Variants in SLC2A14 observed in about 807,000 individuals in gnomAD.
SLC2A14 encodes solute carrier family 2, facilitated glucose transporter member 14.
SLC2A14 carries 13 observed loss-of-function variants against 43.0 expected under a neutral mutation model. The ratio of observed to expected loss-of-function variants is 0.30; its 90% CI spans 0.20 to 0.48. The LOEUF is 0.48. SLC2A14 is among the 20% of genes least tolerant of loss of function. The pLI is 0.99. For synonymous variants in SLC2A14, 190 were observed against 233.8 expected, an observed-to-expected ratio of 0.81 and a Z score of 1.71; for missense variants, 428 against 620.4, an observed-to-expected ratio of 0.69 and a Z score of 3.29.
intron 10 of SLC2A14, among the ~76,000 whole-genome samples, chr12:7,816,083 T>C (rs1246394447): frequency 2.4e-5 from 1 of 41,924 alleles, no homozygotes; most frequent in African/African-American, 1.3e-4. Flanking sequence ...TGAATTTTTA[T>C]TTTTTATTTT....
At chr12:7,835,813 C>A (rs976078637) in intron 2 of SLC2A14, among the ~76,000 whole-genome samples, 1 of 152,186 alleles carries the variant, frequency 6.6e-6, no homozygotes, top group African/African-American at 2.4e-5. Flanking sequence ...TCATAAAGAA[C>A]GACTTTTGTT....
intron 1 of SLC2A14, 163 bp downstream of exon 1, chr12:7,872,644 C>G (rs1945298927): frequency 4.3e-6 from 2 of 461,348 alleles, no homozygotes. Flanking sequence ...AATCTCTTCT[C>G]CAAGGCTCCA....
At chr12:7,839,857 T>G (rs1211811038) in intron 2 of SLC2A14, 1 of 445,762 alleles carries the variant, frequency 2.2e-6, no homozygotes, top group Non-Finnish European at 4.4e-6. Flanking sequence ...GAGGATCGCT[T>G]GAGTCCAGGA....
chr12:7,849,779 T>C (rs776599951), intron 2 of SLC2A14, among the ~76,000 whole-genome samples: 4 of 151,090 alleles, frequency 2.6e-5, no homozygotes, highest in Non-Finnish European at 5.9e-5. Flanking sequence ...GGCGGGCACC[T>C]GTAGTCCCAG....
chr12:7,830,170 T>C lies in SLC2A14; in HGVS notation c.273-164A>G, dbSNP rs199748114. 3.5e-5 allele frequency among the ~76,000 whole-genome samples: 4 copies of C among 113,696 alleles called. No homozygotes were observed. In the South Asian group the frequency reaches 1.2e-3, roughly 33 times the overall value. The allele number at this position is 113,696 out of a possible 152,430, so 74.6% of individuals were successfully genotyped here. A position where few individuals can be genotyped will look rare whatever the true frequency, so the allele number is the denominator to read the frequency against. ...TTTCTTTTCTTTCTTTTTTTTTTTT[T>C]GAGACAGAGTCTCGCTCTGTTGCCC... On this transcript the variant is annotated intron_variant, in intron 4 of 10. Coordinates refer to ENST00000431042, the MANE Select transcript of SLC2A14 (RefSeq NM_001286234.2).
chr12:7,881,552 C>A (rs182176271), intron 1 of SLC2A14, among the ~76,000 whole-genome samples: 3 of 152,270 alleles, frequency 2.0e-5, no homozygotes, highest in African/African-American at 7.2e-5. Flanking sequence ...GCCCGCCATG[C>A]CTGAGCCTCC....
chr12:7,883,590 C>CTTTTTTTTTT (rs1204450230), intron 1 of SLC2A14, among the ~76,000 whole-genome samples: 18 of 95,208 alleles, frequency 1.9e-4, no homozygotes, highest in Non-Finnish European at 2.4e-4. Flanking sequence ...TTTTTCTTTT[C>CTTTTTTTTTT]TTTTTTTTTT....
At chr12:7,852,309 A>T (rs976745868) in intron 2 of SLC2A14, among the ~76,000 whole-genome samples, 9 of 152,130 alleles carry the variant, frequency 5.9e-5, no homozygotes, top group East Asian at 5.8e-4. Context: ...TGTTAATATT[A>T]AAAAAATTAT....
chr12:7,879,000 A>C (rs1228713128), intron 1 of SLC2A14, among the ~76,000 whole-genome samples: 3 of 136,782 alleles, frequency 2.2e-5, no homozygotes, highest in African/African-American at 8.1e-5. Context: ...AAAAAAAAAA[A>C]AAAAACAATT....
chr12:7,815,410 C>T (rs11055950), intron 10 of SLC2A14, among the ~76,000 whole-genome samples: 34,560 of 151,928 alleles, frequency 0.23, 4,407 homozygotes, highest in East Asian at 0.42. Context: ...AGTGAGACTC[C>T]GTCTCAAATA....
At chr12:7,844,632 G>GT (rs1866306934) in intron 2 of SLC2A14, among the ~76,000 whole-genome samples, 1 of 151,462 alleles carries the variant, frequency 6.6e-6, no homozygotes, top group South Asian at 2.1e-4. Flanking sequence ...CACCTCCCAG[G>GT]TTCAAGCAGT....
chr12:7,890,926 C>T, intron 1 of SLC2A14: 2 of 1,472,014 alleles, frequency 1.4e-6, no homozygotes, highest in East Asian at 5.0e-5. Context: ...CAAGTTTTTC[C>T]CTTTTTTAAA....
chr12:7,857,448 C>A (rs776939997), intron 2 of SLC2A14, among the ~76,000 whole-genome samples: 1 of 151,306 alleles, frequency 6.6e-6, no homozygotes, highest in South Asian at 2.1e-4. Context: ...ATTACCCGAG[C>A]GCAGTGGTGC....
intron 2 of SLC2A14, among the ~76,000 whole-genome samples, chr12:7,842,037 C>T (rs1357038946): frequency 6.6e-6 from 1 of 151,742 alleles, no homozygotes; most frequent in African/African-American, 2.4e-5. Flanking sequence ...TCCCATGTTC[C>T]ACCTCCCTTC....
intron 7 of SLC2A14, among the ~76,000 whole-genome samples, chr12:7,823,958 A>G (rs1864139876): frequency 6.6e-6 from 1 of 152,124 alleles, no homozygotes; most frequent in Non-Finnish European, 1.5e-5. Flanking sequence ...ATATTTTCTA[A>G]AATAAGATTA....
rs1945314858 is a variant in SLC2A14 at position 7,872,839 on chromosome 12, C to T, written c.-90G>A. On this transcript the variant is annotated 5_prime_UTR_variant, in exon 1 of 11. Coordinates refer to ENST00000431042, the MANE Select transcript of SLC2A14 (RefSeq NM_001286234.2). ...ACCCCGCGACTGCGGTTGGGCCCCG[C>T]GGCTTCGCTCAACCACGCACCTCCC... 10 of 985,430 alleles carry T rather than the reference C, an allele frequency of 1.0e-5. No homozygotes were observed. The highest frequency in any genetic ancestry group is 1.7e-5 in the African/African-American group (1 of 57,238). The allele number at this position is 985,430 out of a possible 1,614,324, so 61.0% of individuals were successfully genotyped here. A position where few individuals can be genotyped will look rare whatever the true frequency, so the allele number is the denominator to read the frequency against.
intron 7 of SLC2A14, among the ~76,000 whole-genome samples, chr12:7,822,691 G>A (rs1864030441): frequency 1.3e-5 from 2 of 149,424 alleles, no homozygotes. Context: ...AAAAGAAAGT[G>A]TAATTCCTAC....
chr12:7,881,703 A>T (rs1592332147), intron 1 of SLC2A14, among the ~76,000 whole-genome samples: 1 of 152,174 alleles, frequency 6.6e-6, no homozygotes, highest in Non-Finnish European at 1.5e-5. Context: ...CTCCAGCCCC[A>T]GTGCAAGATC....
At chr12:7,852,852 G>A (rs1041986429) in intron 2 of SLC2A14, among the ~76,000 whole-genome samples, 14 of 152,044 alleles carry the variant, frequency 9.2e-5, no homozygotes, top group Non-Finnish European at 2.9e-5. Context: ...ACACTCAACT[G>A]TTTGGGAAAC....
Sources: gnomAD v4.1 joint callset for allele counts (sites outside exome capture counted in the v4.1 genomes callset) on GRCh38, gnomAD v4.1.1 for gene constraint, MANE v1.5 for transcripts, NCBI Gene and HGNC (gene_info 2026-07-23, HGNC 2026-07-21) for gene names.